The following PHF21B variants were observed in gnomAD, a reference collection of about 807,000 sequenced individuals.
The protein encoded by PHF21B is PHD finger protein 21B, also known as PHD finger protein 4.
Under a neutral mutation model 62.2 loss-of-function variants are expected in PHF21B, and 22 were observed. That is an observed-to-expected ratio of 0.35 (90% CI 0.25 to 0.51). The LOEUF is 0.51. Ranked by LOEUF, PHF21B falls within the 20% of genes least tolerant of loss-of-function variation. The pLI, the probability that PHF21B is intolerant of heterozygous loss-of-function variation, is 0.97. For synonymous variants in PHF21B, 341 were observed against 314.7 expected (o/e 1.08, Z -0.88); for missense variants, 701 against 707.9 (o/e 0.99, Z 0.11).
At chr22:44,898,708 G>C (rs2071103842) in intron 5 of PHF21B, among the ~76,000 whole-genome samples, 1 of 152,052 alleles carries the variant, frequency 6.6e-6, no homozygotes, top group South Asian at 2.1e-4. Flanking sequence ...GCAGTGTTTT[G>C]ATTGTTTGGA....
intron 2 of PHF21B, among the ~76,000 whole-genome samples, chr22:44,927,970 C>T (rs1021760861): frequency 5.9e-5 from 9 of 152,148 alleles, no homozygotes; most frequent in Middle Eastern, 3.2e-3. Context: ...GGGCGGGGCA[C>T]AGCTGGGGAA....
chr22:44,967,242 AT>A (rs1385553053), intron 2 of PHF21B: 25 of 115,642 alleles, frequency 2.2e-4, no homozygotes, highest in African/African-American at 8.0e-4. Flanking sequence ...TTTTTTTGAG[AT>A]GGAGTCTTGC....
At chr22:44,980,422 G>A (rs1226411748) in intron 2 of PHF21B, among the ~76,000 whole-genome samples, 1 of 152,164 alleles carries the variant, frequency 6.6e-6, no homozygotes, top group African/African-American at 2.4e-5. Flanking sequence ...CACCCTGCAG[G>A]GTTACCGGGC....
intron 2 of PHF21B, among the ~76,000 whole-genome samples, chr22:44,948,018 C>CCGCTGTTGTCCCTCCTCCA: frequency 6.6e-6 from 1 of 152,248 alleles, no homozygotes; most frequent in Non-Finnish European, 1.5e-5. Context: ...TCCCTCCTCC[C>CCGCTGTTGTCCCTCCTCCA]CACTGCTGTC....
At chr22:44,958,313 C>T (rs972431484) in intron 2 of PHF21B, among the ~76,000 whole-genome samples, 2 of 152,178 alleles carry the variant, frequency 1.3e-5, no homozygotes, top group Admixed American at 1.3e-4. Flanking sequence ...TCTGCTGAAA[C>T]CCTGTGCTCT....
chr22:44,911,317 C>G (rs900656057), intron 5 of PHF21B, among the ~76,000 whole-genome samples: 1 of 151,766 alleles, frequency 6.6e-6, no homozygotes, highest in South Asian at 2.1e-4. Flanking sequence ...GCATAAGTAA[C>G]GAGGAGTTAC....
chr22:44,943,455 T>A (rs1044416957), intron 2 of PHF21B, among the ~76,000 whole-genome samples: 4 of 152,176 alleles, frequency 2.6e-5, no homozygotes, highest in African/African-American at 9.6e-5. Flanking sequence ...ACGATGAGCA[T>A]GTGGGGCTCT....
At chr22:45,007,487 C>G (rs1317102550) in intron 2 of PHF21B, among the ~76,000 whole-genome samples, 1 of 142,130 alleles carries the variant, frequency 7.0e-6, no homozygotes, top group Non-Finnish European at 1.5e-5. Context: ...AAGTTTGGCG[C>G]TGGCGGCTGC....
At chr22:44,889,440 G>T (rs939699968) in intron 9 of PHF21B, among the ~76,000 whole-genome samples, 1 of 152,222 alleles carries the variant, frequency 6.6e-6, no homozygotes, top group Non-Finnish European at 1.5e-5. Context: ...GAGCCAGGGT[G>T]GAGGCCTTTG....
Position 45,009,143 on chromosome 22 carries a change from G to A in PHF21B, c.54+353C>T. 1 of 626,860 alleles carries A rather than the reference G, an allele frequency of 1.6e-6. No homozygotes were observed. The highest frequency in any genetic ancestry group is 2.2e-6 in the Non-Finnish European group (1 of 455,780). The allele number at this position is 626,860 out of a possible 1,614,324, so 38.8% of individuals were successfully genotyped here. A position where few individuals can be genotyped will look rare whatever the true frequency, so the allele number is the denominator to read the frequency against. ...TTCGCCCGGGGCGCGGGGGCCCGAGGGGAGGCCGGAAGGGGGCCTATTCGC... is the reference window on the plus strand; with the variant it reads ...TTCGCCCGGGGCGCGGGGGCCCGAGAGGAGGCCGGAAGGGGGCCTATTCGC... On this transcript the variant is annotated intron_variant, in intron 1 of 12. Transcript: ENST00000313237. The surrounding 1 kb of genome is among the most constrained non-coding windows in gnomAD (Gnocchi z 5.9).
At chr22:44,953,430 GAT>G (rs2072233199) in intron 2 of PHF21B, among the ~76,000 whole-genome samples, 1 of 152,120 alleles carries the variant, frequency 6.6e-6, no homozygotes, top group East Asian at 1.9e-4. Context: ...TTTGTGGTGT[GAT>G]CACCGCTAAT....
chr22:44,993,561 C>T (rs1046570110), intron 2 of PHF21B, among the ~76,000 whole-genome samples: 6 of 152,374 alleles, frequency 3.9e-5, no homozygotes, highest in African/African-American at 1.4e-4. Flanking sequence ...CACACGGCAA[C>T]GTGCAGTTGA....
chr22:45,002,576 G>T (rs1355718855), intron 2 of PHF21B, among the ~76,000 whole-genome samples: 2 of 152,182 alleles, frequency 1.3e-5, no homozygotes, highest in Non-Finnish European at 2.9e-5. Context: ...CTGTCAAGAG[G>T]CTCCCCACGC....
Position 45,009,339 on chromosome 22 carries a change from G to T in PHF21B, c.54+157C>A. ...CAGGCGGAGGGGAGCCCAGAAGGGGGTCCGCGCGTGTGCTCACTCCCTCGC... is the reference window on the plus strand; with the variant it reads ...CAGGCGGAGGGGAGCCCAGAAGGGGTTCCGCGCGTGTGCTCACTCCCTCGC... On this transcript the variant is annotated intron_variant, in intron 1 of 12. Transcript: ENST00000313237. The surrounding 1 kb of genome is among the most constrained non-coding windows in gnomAD (Gnocchi z 5.9). 2 of 741,826 alleles carry T rather than the reference G, an allele frequency of 2.7e-6. No individual in the cohort carries two copies. Among genetic ancestry groups the T allele is most frequent in the South Asian group, 3.9e-5 (2 of 50,928 alleles). 46.0% of individuals were successfully genotyped at this position (741,826 alleles called of 1,614,324 possible). A position where few individuals can be genotyped will look rare whatever the true frequency, so the allele number is the denominator to read the frequency against.
chr22:44,923,129 T>C (rs1011964390), intron 2 of PHF21B, among the ~76,000 whole-genome samples: 1 of 152,034 alleles, frequency 6.6e-6, no homozygotes, highest in African/African-American at 2.4e-5. Flanking sequence ...GTATTGGTGT[T>C]AAGATGCATA....
intron 2 of PHF21B, among the ~76,000 whole-genome samples, chr22:44,960,956 A>ATTTTTTTTTTT (rs58426065): frequency 8.3e-6 from 1 of 120,916 alleles, no homozygotes. Flanking sequence ...ACGTGAGTTG[A>ATTTTTTTTTTT]TTTTTTTTTT....
At chr22:44,984,176 TCAC>T (rs2072900725) in intron 2 of PHF21B, among the ~76,000 whole-genome samples, 1 of 141,004 alleles carries the variant, frequency 7.1e-6, no homozygotes. Context: ...ATCATCACCA[TCAC>T]AACCACCATC....
chr22:45,008,970 C>T, intron 1 of PHF21B: 1 of 1,081,072 alleles, frequency 9.3e-7, no homozygotes. Context: ...CACGGCGAGT[C>T]CGTGTCGAGC....
intron 2 of PHF21B, among the ~76,000 whole-genome samples, chr22:44,959,892 G>A (rs1433374179): frequency 1.3e-5 from 2 of 152,208 alleles, no homozygotes; most frequent in Non-Finnish European, 2.9e-5. Context: ...GGCAGGGGCT[G>A]AGCCAAACGT....
Sources: allele counts gnomAD v4.1 joint callset (sites outside exome capture counted in the v4.1 genomes callset), GRCh38; gene constraint gnomAD v4.1.1; non-coding constraint Gnocchi (gnomAD v3.1); transcripts MANE v1.5; gene names NCBI Gene and HGNC (gene_info 2026-07-23, HGNC 2026-07-21).